The following DPP4 variants were observed in gnomAD, a reference collection of about 807,000 sequenced individuals.
The protein encoded by DPP4 is dipeptidyl peptidase 4, also known as ADCP-2.
Under a neutral mutation model 122.4 loss-of-function variants are expected in DPP4, and 93 were observed. The observed-to-expected ratio is 0.76, with a 90% CI of 0.64 to 0.90. The LOEUF (loss-of-function observed/expected upper bound fraction) is 0.90, where lower values mean the gene tolerates loss of function less well. DPP4 is among the 40% of genes least tolerant of loss of function. The pLI is 0.00. For missense variants in DPP4, 914 were observed against 907.3 expected, an observed-to-expected ratio of 1.01 and a Z score of -0.09; for synonymous variants, 321 against 302.9, an observed-to-expected ratio of 1.06 and a Z score of -0.62.
Position 162,024,871 on chromosome 2 carries a change from A to G in DPP4, c.956T>C (p.Ile319Thr). The change falls in exon 11 of 26, where the codon ATT becomes ACT. Residue 319 changes from isoleucine to threonine, a missense_variant. Ile to Thr is a moderately conservative substitution (Grantham distance 89). Coordinates refer to ENST00000360534, the MANE Select transcript of DPP4 (RefSeq NM_001935.4). The stretch of plus-strand genomic sequence containing the variant: ...AATATCCATGACCGAATAGTTCTGA[A>G]TCCTCCTGAGCCACTGCAAAGAAAT... ...ERISLQWLRR[I>T]QNYSVMDICD... 1 of 1,614,002 alleles carries G rather than the reference A, an allele frequency of 6.2e-7. No individual in the cohort carries two copies. The highest frequency in any genetic ancestry group is 8.5e-7 in the Non-Finnish European group (1 of 1,180,022).
rs1433532332 is a variant in DPP4 at position 161,993,322 on chromosome 2, G to A, written c.2262C>T (p.His754=). 3.1e-6 allele frequency: 5 copies of A among 1,613,614 alleles called. No homozygotes were observed. Among genetic ancestry groups the A allele is most frequent in the Non-Finnish European group, 4.2e-6 (5 of 1,179,726 alleles). The part of the protein sequence containing the change: ...SSTAHQHIYT[H]MSHFIKQCFS... Reference sequence around the variant, plus strand: ...AACATTGTTTTATGAAGTGGCTCATGTGGGTATATATATGTTGGTGTGCTG... The same window carrying A: ...AACATTGTTTTATGAAGTGGCTCATATGGGTATATATATGTTGGTGTGCTG... Residue 754 remains histidine (H), a synonymous_variant, in exon 26 of 26, where the codon CAC becomes CAT. Coordinates refer to ENST00000360534, the MANE Select transcript of DPP4 (RefSeq NM_001935.4).
intron 5 of DPP4, among the ~76,000 whole-genome samples, chr2:162,043,906 T>C (rs1162201062): frequency 6.6e-6 from 1 of 152,058 alleles, no homozygotes; most frequent in East Asian, 1.9e-4. Context: ...TGCACACCTG[T>C]AGTCTCAGCT....
rs1257840362 is a variant in DPP4 at position 162,035,475 on chromosome 2, TA to T, written c.614-152del. 11 of 635,710 alleles carry T rather than the reference TA, an allele frequency of 1.7e-5. No individual in the cohort carries two copies. The East Asian group carries it at 3.1e-4, about 18-fold the overall frequency. 39.4% of individuals were successfully genotyped at this position (635,710 alleles called of 1,614,324 possible). On this transcript the variant is annotated intron_variant, in intron 8 of 25. Transcript: ENST00000360534. ...TGCTGGGCTTCCAAAATCAGAGTAATACAAATGAATAAAAATAAAATCTTCA... is the reference window on the plus strand; with the variant it reads ...TGCTGGGCTTCCAAAATCAGAGTAATCAAATGAATAAAAATAAAATCTTCA...
At chr2:162,056,252 C>T (rs749059288) in intron 2 of DPP4, among the ~76,000 whole-genome samples, 30 of 152,142 alleles carry the variant, frequency 2.0e-4, no homozygotes, top group Admixed American at 1.3e-4. Context: ...ATGTAAGCTC[C>T]GTGAGGGCAC....
At chr2:162,017,185 G>C in intron 16 of DPP4, 30 bp from the exon 17 acceptor site, 1 of 1,597,284 alleles carries the variant, frequency 6.3e-7, no homozygotes, top group Non-Finnish European at 8.6e-7. Flanking sequence ...AAAATGTTTT[G>C]GATGAATACT....
chr2:162,011,447 T>C (rs1682703954), intron 20 of DPP4, among the ~76,000 whole-genome samples: 1 of 152,148 alleles, frequency 6.6e-6, no homozygotes, highest in Admixed American at 6.5e-5. Context: ...TTGGCTTGTT[T>C]AGTCAGATGT....
intron 18 of DPP4, 33 bp from the exon 19 acceptor site, chr2:162,014,498 A>G (rs1212788866): frequency 1.3e-6 from 2 of 1,517,994 alleles, no homozygotes; most frequent in Non-Finnish European, 1.8e-6. Flanking sequence ...TAGTGAGGTA[A>G]GAAAAATTAT....
intron 9 of DPP4, among the ~76,000 whole-genome samples, chr2:162,033,875 TATATATATATATATATATAC>T (rs1419206370): frequency 1.1e-4 from 14 of 132,222 alleles, no homozygotes; most frequent in Admixed American, 9.3e-4. Context: ...TATATATATA[TATATATATATATATATATAC>T]ACACTATATA....
At chr2:161,996,420 T>C (rs1701006697) in intron 23 of DPP4, among the ~76,000 whole-genome samples, 1 of 152,236 alleles carries the variant, frequency 6.6e-6, no homozygotes, top group African/African-American at 2.4e-5. Context: ...CCAAGGTTTA[T>C]ATTTCACAGA....
intron 23 of DPP4, among the ~76,000 whole-genome samples, chr2:162,002,033 C>T (rs1164961178): frequency 1.3e-5 from 2 of 152,206 alleles, no homozygotes; most frequent in Non-Finnish European, 1.5e-5. Flanking sequence ...GGACTCACTG[C>T]ATTGGGTCTA....
In DPP4 at chr2:162,073,491, A is replaced by AAGCC; in HGVS notation, c.7-9_7-6dup. 1 of 1,613,690 alleles carries AAGCC rather than the reference A, an allele frequency of 6.2e-7. No individual in the cohort carries two copies. The highest frequency in any genetic ancestry group is 2.2e-5 in the East Asian group (1 of 44,878). On this transcript the variant is annotated splice_region_variant and splice_polypyrimidine_tract_variant and intron_variant, in intron 1 of 25. Transcript: ENST00000360534. Reference sequence around the variant, plus strand: ...CAGAAGAACCTTCCACGGTGTCTGCAAGCCGAGCAGATCAAGTCCAATTAG... The same window carrying AAGCC: ...CAGAAGAACCTTCCACGGTGTCTGCAAGCCAGCCGAGCAGATCAAGTCCAATTAG...
intron 23 of DPP4, among the ~76,000 whole-genome samples, chr2:161,998,059 G>A (rs750295114): frequency 2.8e-4 from 42 of 152,168 alleles, no homozygotes; most frequent in Non-Finnish European, 2.5e-4. Flanking sequence ...GACCCATGCC[G>A]TCTCAGACTG....
chr2:162,011,082 G>C (rs1004715339), intron 20 of DPP4, among the ~76,000 whole-genome samples: 1 of 151,938 alleles, frequency 6.6e-6, no homozygotes, highest in East Asian at 1.9e-4. Flanking sequence ...TAAAATATGG[G>C]GTAAGAACAC....
chr2:162,018,202 G>T (rs1682990963), intron 16 of DPP4, among the ~76,000 whole-genome samples: 1 of 152,184 alleles, frequency 6.6e-6, no homozygotes, highest in African/African-American at 2.4e-5. Context: ...ATTTTGAGAA[G>T]TAACCTGGCA....
intron 2 of DPP4, among the ~76,000 whole-genome samples, chr2:162,052,318 C>CAAAA (rs35326408): frequency 1.5e-5 from 1 of 64,766 alleles, no homozygotes; most frequent in Non-Finnish European, 2.9e-5. Flanking sequence ...AACTCCATCT[C>CAAAA]AAAAAAAAAA....
chr2:162,058,508 A>C (rs1310610470), intron 2 of DPP4, among the ~76,000 whole-genome samples: 3 of 152,240 alleles, frequency 2.0e-5, no homozygotes, highest in African/African-American at 7.2e-5. Context: ...ATTTGTCTGG[A>C]GTATGTTTTC....
chr2:162,043,243 C>T (rs750094879), intron 5 of DPP4, among the ~76,000 whole-genome samples: 2 of 152,012 alleles, frequency 1.3e-5, no homozygotes, highest in Admixed American at 6.6e-5. Context: ...CCAAGCATGC[C>T]GAGTGCAGGA....
intron 2 of DPP4, among the ~76,000 whole-genome samples, chr2:162,069,646 A>G (rs142898517): frequency 2.0e-3 from 308 of 152,298 alleles, no homozygotes; most frequent in African/African-American, 6.4e-3. Flanking sequence ...GCTGGAGTCA[A>G]CTCCAGCTTT....
rs199551296 is a variant in DPP4, at chr2:162,046,898, T to C, written c.285+17A>G. 7 of 1,485,182 alleles carry C rather than the reference T, an allele frequency of 4.7e-6. No individual in the cohort carries two copies. The highest frequency in any genetic ancestry group is 1.4e-5 in the African/African-American group (1 of 72,360). The allele number at this position is 1,485,182 out of a possible 1,614,324, so 92.0% of individuals were successfully genotyped here. On this transcript the variant is annotated intron_variant, in intron 4 of 25. Transcript: ENST00000360534. Reference sequence around the variant, plus strand: ...CCCAGAATTCTATGCATGAATTAATTACGTGATTAAACATACAAATGTACT... The same window carrying C: ...CCCAGAATTCTATGCATGAATTAATCACGTGATTAAACATACAAATGTACT...
Sources: allele counts gnomAD v4.1 joint callset (sites outside exome capture counted in the v4.1 genomes callset), GRCh38; gene constraint gnomAD v4.1.1; transcripts MANE v1.5; gene names NCBI Gene and HGNC (gene_info 2026-07-23, HGNC 2026-07-21).